PVT1: variants seen among roughly 807,000 people sequenced by gnomAD.
The protein encoded by PVT1 is CXCR4/PVT1 fusion.
chr8:127,918,988 T>C (rs551551396), intron 3 of PVT1, among the ~76,000 whole-genome samples: 1 of 152,300 alleles, frequency 6.6e-6, no homozygotes, highest in South Asian at 2.1e-4. Context: ...CTTCCAGTTC[T>C]CTGGGTTCTG....
intron 3 of PVT1, among the ~76,000 whole-genome samples, chr8:127,934,661 A>C (rs1176970767): frequency 1.3e-5 from 2 of 152,120 alleles, no homozygotes; most frequent in Non-Finnish European, 2.9e-5. Flanking sequence ...TCTCTGCAAC[A>C]TTTGTTTACA....
intron 2 of PVT1, among the ~76,000 whole-genome samples, chr8:127,860,491 A>G (rs1194564330): frequency 4.6e-5 from 7 of 152,018 alleles, no homozygotes; most frequent in Admixed American, 3.9e-4. Context: ...GCAGCTGGGC[A>G]TGGTGGCTCA....
At chr8:128,050,638 T>C (rs1813680898) in intron 4 of PVT1, among the ~76,000 whole-genome samples, 1 of 152,196 alleles carries the variant, frequency 6.6e-6, no homozygotes, top group South Asian at 2.1e-4. Context: ...GCTCCAACAG[T>C]TGCTGGCTCT....
intron 3 of PVT1, among the ~76,000 whole-genome samples, chr8:127,901,249 G>A (rs1407402364): frequency 6.6e-6 from 1 of 152,190 alleles, no homozygotes; most frequent in African/African-American, 2.4e-5. Context: ...GCTGCAGAGG[G>A]CTGCTGGAGG....
chr8:127,892,462 G>GAA (rs1172235999), intron 3 of PVT1, among the ~76,000 whole-genome samples: 1 of 152,130 alleles, frequency 6.6e-6, no homozygotes, highest in Non-Finnish European at 1.5e-5. Flanking sequence ...AGACAGAAGG[G>GAA]AAACACTCTT....
intron 4 of PVT1, among the ~76,000 whole-genome samples, chr8:128,012,155 T>C (rs147042766): frequency 2.6e-4 from 40 of 152,256 alleles, no homozygotes; most frequent in African/African-American, 8.2e-4. Flanking sequence ...TCAATACACA[T>C]TTGCTGAATG....
chr8:128,084,548 T>C (rs1814233112), intron 5 of PVT1, among the ~76,000 whole-genome samples: 1 of 152,096 alleles, frequency 6.6e-6, no homozygotes, highest in South Asian at 2.1e-4. Context: ...TCCAGCAAAA[T>C]GTAAGCCAAG....
chr8:127,902,259 C>T lies in PVT1; in HGVS notation n.782+11261C>T, dbSNP rs148561754. Among the ~76,000 whole-genome samples the T allele has an allele frequency of 2.1e-3, 318 of 152,192 alleles. 1 individual carries two copies. Among genetic ancestry groups the T allele is most frequent in the African/African-American group, 6.5e-3 (268 of 41,528 alleles). On this transcript the variant is annotated intron_variant and non_coding_transcript_variant, in intron 3 of 10. Transcript: ENST00000651587. The stretch of plus-strand genomic sequence containing the variant: ...GTGCAAACTGGGATGGTCGTTCACC[C>T]TACCTGTGAATTGAATGATACCACT...
chr8:127,913,390 A>G (rs1490149325), intron 3 of PVT1, among the ~76,000 whole-genome samples: 1 of 152,220 alleles, frequency 6.6e-6, no homozygotes, highest in East Asian at 1.9e-4. Context: ...ACCTGGGCCC[A>G]GTATAGGCCC....
intron 2 of PVT1, among the ~76,000 whole-genome samples, chr8:127,826,994 C>CTTT (rs5894901): frequency 0.17 from 19,353 of 113,844 alleles, 3,712 homozygotes; most frequent in African/African-American, 0.42. Flanking sequence ...TTCTTTTTCT[C>CTTT]TTTTTTTTTT....
intron 4 of PVT1, among the ~76,000 whole-genome samples, chr8:128,048,808 C>T (rs112969224): frequency 9.9e-5 from 15 of 152,178 alleles, no homozygotes; most frequent in Admixed American, 3.9e-4. Context: ...AAGGCGAAAG[C>T]GCTTATTGTG....
At chr8:127,910,918 A>T (rs918833969) in intron 3 of PVT1, among the ~76,000 whole-genome samples, 89 of 144,598 alleles carry the variant, frequency 6.2e-4, no homozygotes, top group African/African-American at 2.5e-3. Context: ...TGTGTGAGAG[A>T]GAGAGAGAGA....
intron 2 of PVT1, among the ~76,000 whole-genome samples, chr8:127,868,117 C>G (rs1815304247): frequency 6.6e-6 from 1 of 152,100 alleles, no homozygotes; most frequent in African/African-American, 2.4e-5. Context: ...CTAGGTAACT[C>G]TTCTAAGTCC....
At chr8:127,820,471 T>C (rs1479324913) in intron 2 of PVT1, among the ~76,000 whole-genome samples, 2 of 152,204 alleles carry the variant, frequency 1.3e-5, no homozygotes, top group Non-Finnish European at 2.9e-5. Flanking sequence ...TCTTTAAAAG[T>C]TGATGAACAG....
At chr8:127,827,220 C>T (rs113449212) in intron 2 of PVT1, among the ~76,000 whole-genome samples, 91 of 152,144 alleles carry the variant, frequency 6.0e-4, no homozygotes, top group African/African-American at 2.0e-3. Context: ...GTCTCGAACC[C>T]CCGACCTCAG....
At chr8:127,884,903 G>A (rs922375723) in intron 2 of PVT1, among the ~76,000 whole-genome samples, 1 of 152,216 alleles carries the variant, frequency 6.6e-6, no homozygotes, top group African/African-American at 2.4e-5. Context: ...AACAGACCAT[G>A]TCATAATTCT....
At chr8:127,876,821 C>T (rs1815410661) in intron 2 of PVT1, among the ~76,000 whole-genome samples, 1 of 152,188 alleles carries the variant, frequency 6.6e-6, no homozygotes, top group Non-Finnish European at 1.5e-5. Context: ...TTCGTGCTGT[C>T]ATCGCTTTCA....
At position 127,937,572 on chromosome 8, in the gene PVT1, C is replaced by G. The variant is rs1228016356; in HGVS notation, n.782+46574C>G. Among the ~76,000 whole-genome samples, 30 of 99,810 alleles carry G rather than the reference C, an allele frequency of 3.0e-4. No individual in the cohort carries two copies. The South Asian group carries it at 4.7e-3, about 16-fold the overall frequency. The allele number at this position is 99,810 out of a possible 152,430, so 65.5% of individuals were successfully genotyped here. A position where few individuals can be genotyped will look rare whatever the true frequency, so the allele number is the denominator to read the frequency against. ...AGACACACACACACACACACACACA[C>G]ACACACACAGAGAGAGAGAGAGAGA... On this transcript the variant is annotated intron_variant and non_coding_transcript_variant, in intron 3 of 10. Coordinates refer to ENST00000651587, the Ensembl canonical transcript of PVT1.
rs971829446 is a variant in PVT1, at chr8:127,898,590, G to A, written n.782+7592G>A. On this transcript the variant is annotated intron_variant and non_coding_transcript_variant, in intron 3 of 10. Transcript: ENST00000651587. This position sits in a 1 kb window ranked among gnomAD's most constrained non-coding sequence, Gnocchi z 4.4. ...AATTGATGGGCCACACTAGACTGGA[G>A]CCAACCATGGCCCATTGCTGAGACT... is the stretch of plus-strand genomic sequence containing the variant. 6.6e-6 allele frequency among the ~76,000 whole-genome samples: 1 copy of A among 152,234 alleles called. No individual in the cohort carries two copies. The highest frequency in any genetic ancestry group is 2.4e-5 in the African/African-American group (1 of 41,456).
Sources: gnomAD v4.1 joint callset for allele counts (sites outside exome capture counted in the v4.1 genomes callset) on GRCh38, gnomAD v4.1.1 for gene constraint, Gnocchi (gnomAD v3.1) non-coding constraint, MANE v1.5 for transcripts, NCBI Gene and HGNC (gene_info 2026-07-23, HGNC 2026-07-21) for gene names.